Variants in HEATR5B observed in about 807,000 individuals in gnomAD.
HEATR5B encodes HEAT repeat containing 5B.
In HEATR5B, 156 loss-of-function variants were observed where a neutral mutation model predicts 224.1. The ratio of observed to expected loss-of-function variants is 0.70; its 90% CI spans 0.61 to 0.80. The LOEUF is 0.80. Among genes scored for constraint, HEATR5B ranks in the 30% least tolerant of loss-of-function variants. The pLI, the probability that HEATR5B is intolerant of heterozygous loss-of-function variation, is 0.00. For missense variants in HEATR5B, 2,323 were observed against 2,535.5 expected (o/e 0.92, Z 1.80); for synonymous variants, 1,027 against 893.0 (o/e 1.15, Z -2.68).
chr2:36,998,636 T>C (rs1039415481), intron 33 of HEATR5B, among the ~76,000 whole-genome samples: 4 of 152,118 alleles, frequency 2.6e-5, no homozygotes, highest in African/African-American at 9.7e-5. Context: ...ACAACAAAAA[T>C]ATCATTGACA....
At chr2:37,068,963 A>G in intron 7 of HEATR5B, 33 bp from the exon 8 acceptor site, 1 of 1,582,598 alleles carries the variant, frequency 6.3e-7, no homozygotes, top group East Asian at 2.3e-5. Flanking sequence ...CTTCAGATAC[A>G]CTTACATAAC....
At chr2:37,009,678 C>A (rs11694342) in intron 27 of HEATR5B, among the ~76,000 whole-genome samples, 27,073 of 151,932 alleles carry the variant, frequency 0.18, 3,159 homozygotes, top group East Asian at 0.52. Context: ...AAAAACTGAT[C>A]TGACTTCTGA....
At chr2:37,000,435 A>C in intron 33 of HEATR5B, 151 bp downstream of exon 33, 1 of 646,848 alleles carries the variant, frequency 1.5e-6, no homozygotes, top group East Asian at 2.7e-5. Context: ...AGAAAAGAGT[A>C]TTAAAGTTCA....
intron 17 of HEATR5B, among the ~76,000 whole-genome samples, chr2:37,050,195 T>C (rs1231571176): frequency 1.3e-5 from 2 of 152,180 alleles, no homozygotes; most frequent in African/African-American, 4.8e-5. Flanking sequence ...GCAATTCATA[T>C]TAAATAAAGG....
intron 4 of HEATR5B, chr2:37,076,066 A>G (rs1173360696): frequency 6.5e-6 from 1 of 153,194 alleles, no homozygotes; most frequent in African/African-American, 2.4e-5. Context: ...AATACAGCAA[A>G]CCTTCATCTT....
chr2:37,040,185 T>C (rs1446635463), intron 20 of HEATR5B, 144 bp downstream of exon 20: 5 of 637,356 alleles, frequency 7.8e-6, no homozygotes, highest in Admixed American at 3.6e-5. Context: ...AAAAGCTGAG[T>C]GCCAGGCTTT....
intron 15 of HEATR5B, 66 bp downstream of exon 15, chr2:37,057,251 G>A (rs1229645774): frequency 1.7e-6 from 2 of 1,208,740 alleles, no homozygotes; most frequent in Admixed American, 5.3e-5. Flanking sequence ...CTTTTTAAGT[G>A]ACAATGTGTA....
At chr2:37,006,930 C>T (rs985946701) in intron 29 of HEATR5B, 120 bp downstream of exon 29, 10 of 858,734 alleles carry the variant, frequency 1.2e-5, no homozygotes, top group African/African-American at 6.9e-5. Flanking sequence ...GTGAAAAATC[C>T]TTTCACTTTT....
At position 37,003,607 on chromosome 2, in the gene HEATR5B, G is replaced by A; in HGVS notation, c.4985C>T (p.Thr1662Ile). 1 of 1,612,504 alleles carries A rather than the reference G, an allele frequency of 6.2e-7. No individual in the cohort carries two copies. The highest frequency in any genetic ancestry group is 8.5e-7 in the Non-Finnish European group (1 of 1,178,718). The change falls in exon 31 of 36, where the codon ACT (threonine) becomes ATT (isoleucine). Residue 1662 changes from threonine (T) to isoleucine (I), a missense_variant. By Grantham distance (89) the Thr-to-Ile change is moderately conservative. Transcript: ENST00000233099. ...TCTTACTATCTGTTGTACAACTCCAGTAACCAACAGCTGGACAGATGATGG... is the reference window on the plus strand; with the variant it reads ...TCTTACTATCTGTTGTACAACTCCAATAACCAACAGCTGGACAGATGATGG... ...WNPSSVQLLV[T>I]GVVQQIVRAA...
intron 9 of HEATR5B, among the ~76,000 whole-genome samples, chr2:37,065,548 A>T (rs1671537783): frequency 6.6e-6 from 1 of 152,146 alleles, no homozygotes; most frequent in African/African-American, 2.4e-5. Flanking sequence ...ATCTCAAGTG[A>T]CCTGCCCACC....
intron 3 of HEATR5B, among the ~76,000 whole-genome samples, chr2:37,077,541 C>G (rs938702181): frequency 6.6e-6 from 1 of 152,226 alleles, no homozygotes; most frequent in East Asian, 1.9e-4. Flanking sequence ...CTCCTGACCT[C>G]AGGTGATCCG....
At chr2:37,033,466 T>G (rs1669267892) in intron 21 of HEATR5B, among the ~76,000 whole-genome samples, 1 of 152,112 alleles carries the variant, frequency 6.6e-6, no homozygotes, top group African/African-American at 2.4e-5. Flanking sequence ...TCAAATGTAG[T>G]GAATGAAAAG....
Position 37,084,183 on chromosome 2 carries a change from G to A in HEATR5B, c.-23+86C>T, listed in dbSNP as rs1672823954. On this transcript the variant is annotated intron_variant, in intron 1 of 35. Transcript: ENST00000233099. Reference sequence around the variant, plus strand: ...CCAGAAAAGGGAAAATGTTCATTACGAACTCAAATGTCTTCCCCACCCGTC... The same window carrying A: ...CCAGAAAAGGGAAAATGTTCATTACAAACTCAAATGTCTTCCCCACCCGTC... 3 of 294,486 alleles carry A rather than the reference G, an allele frequency of 1.0e-5. No homozygotes were observed. The Admixed American group carries it at 1.5e-4, about 15-fold the overall frequency. 18.2% of individuals were successfully genotyped at this position (294,486 alleles called of 1,614,324 possible).
At chr2:37,004,591 A>T (rs1190154599) in intron 30 of HEATR5B, among the ~76,000 whole-genome samples, 1 of 151,554 alleles carries the variant, frequency 6.6e-6, no homozygotes, top group Non-Finnish European at 1.5e-5. Context: ...GCTACTGGTC[A>T]CCTCAAACAA....
At chr2:37,062,893 TC>T (rs1284548939) in intron 10 of HEATR5B, among the ~76,000 whole-genome samples, 1 of 152,216 alleles carries the variant, frequency 6.6e-6, no homozygotes, top group East Asian at 1.9e-4. Context: ...GCTCAAGGGA[TC>T]CTCCTACCTC....
chr2:37,046,875 C>T (rs780109055), intron 18 of HEATR5B, among the ~76,000 whole-genome samples: 15 of 151,300 alleles, frequency 9.9e-5, no homozygotes, highest in Non-Finnish European at 1.6e-4. Context: ...CATGGTGAAA[C>T]GTTGTCTCTA....
rs1430154550 is a variant in HEATR5B, at chr2:37,083,364, G to A, written c.51C>T (p.Ile17=). 1 of 1,613,570 alleles carries A rather than the reference G, an allele frequency of 6.2e-7. No individual in the cohort carries two copies. Among genetic ancestry groups the A allele is most frequent in the Non-Finnish European group, 8.5e-7 (1 of 1,179,624 alleles). The part of the protein sequence containing the change: ...LLLNEEALAQ[I]TEAKRPVFIF... Reference sequence around the variant, plus strand: ...TGAAAACTGGTCTTTTTGCTTCGGTGATTTGAGCCAAAGCTTCTTCATTTA... The same window carrying A: ...TGAAAACTGGTCTTTTTGCTTCGGTAATTTGAGCCAAAGCTTCTTCATTTA... The change falls in exon 2 of 36, where the codon ATC becomes ATT. Residue 17 remains isoleucine (I), a synonymous_variant. Coordinates refer to ENST00000233099, the MANE Select transcript of HEATR5B (RefSeq NM_019024.3).
intron 2 of HEATR5B, among the ~76,000 whole-genome samples, chr2:37,081,714 A>C (rs1205876416): frequency 1.3e-5 from 2 of 152,318 alleles, no homozygotes; most frequent in East Asian, 3.9e-4. Flanking sequence ...GTATGTCCAG[A>C]CTAGAAGAGT....
rs1672399161 is a variant in HEATR5B, at chr2:37,079,100, CT to C, written c.338+19del. Reference sequence around the variant, plus strand: ...AGAAAAAATAAAACTTCAAGGGCCCCTATTAAAGTAAGTACTTACAATTTTG... The same window carrying C: ...AGAAAAAATAAAACTTCAAGGGCCCCATTAAAGTAAGTACTTACAATTTTG... On this transcript the variant is annotated intron_variant, in intron 3 of 35. Transcript: ENST00000233099. 1.4e-6 allele frequency: 2 copies of C among 1,453,454 alleles called. No homozygotes were observed. The highest frequency in any genetic ancestry group is 1.9e-6 in the Non-Finnish European group (2 of 1,049,402). 90.0% of individuals were successfully genotyped at this position (1,453,454 alleles called of 1,614,324 possible).
Sources: allele counts gnomAD v4.1 joint callset (sites outside exome capture counted in the v4.1 genomes callset), GRCh38; gene constraint gnomAD v4.1.1; transcripts MANE v1.5; gene names NCBI Gene and HGNC (gene_info 2026-07-23, HGNC 2026-07-21).